PANK4: variants seen among roughly 807,000 people sequenced by gnomAD.
PANK4 encodes the protein 4'-phosphopantetheine phosphatase.
In PANK4, 40 loss-of-function variants were observed where a neutral mutation model predicts 87.9. The ratio of observed to expected loss-of-function variants is 0.46; its 90% CI spans 0.35 to 0.59. The LOEUF (loss-of-function observed/expected upper bound fraction) is 0.59. PANK4 is among the 20% of genes least tolerant of loss of function. The pLI is 0.00. For missense variants in PANK4, 926 were observed against 1,072.3 expected, an observed-to-expected ratio of 0.86 and a Z score of 1.90; for synonymous variants, 524 against 467.4, an observed-to-expected ratio of 1.12 and a Z score of -1.56.
Position 2,518,143 on chromosome 1 carries a change from C to T in PANK4, c.1218+21G>A, listed in dbSNP as rs181481652. ...TAGGCTGCTCCCCTGGGGCCCGGGG[C>T]GGCCAGAGCCCACTACTCACAGTGC... On this transcript the variant is annotated intron_variant, in intron 9 of 18. Coordinates refer to ENST00000378466, the MANE Select transcript of PANK4 (RefSeq NM_018216.4). The T allele has an allele frequency of 3.4e-3, 5,105 of 1,512,868 alleles. 12 individuals carry two copies. The highest frequency in any genetic ancestry group is 4.6e-3 in the Admixed American group (259 of 55,756). The allele number at this position is 1,512,868 out of a possible 1,614,324, so 93.7% of individuals were successfully genotyped here.
chr1:2,520,649 C>A lies in PANK4; in HGVS notation c.606+74G>T. 6.9e-7 allele frequency: 1 copy of A among 1,439,438 alleles called. No homozygotes were observed. Among genetic ancestry groups the A allele is most frequent in the Admixed American group, 1.8e-5 (1 of 55,942 alleles). The allele number at this position is 1,439,438 out of a possible 1,614,324, so 89.2% of individuals were successfully genotyped here. On this transcript the variant is annotated intron_variant, in intron 4 of 18. Transcript: ENST00000378466. This position sits in a 1 kb window ranked among gnomAD's most constrained non-coding sequence, Gnocchi z 6.2. Reference sequence around the variant, plus strand: ...GCCCCATCCATGTGCCCAGCCCTGGCTCCTGCACACAGCGAGGGCTTAACA... The same window carrying A: ...GCCCCATCCATGTGCCCAGCCCTGGATCCTGCACACAGCGAGGGCTTAACA...
At chr1:2,521,033 G>T in intron 3 of PANK4, 68 bp downstream of exon 3, 2 of 1,532,290 alleles carry the variant, frequency 1.3e-6, no homozygotes, top group Non-Finnish European at 1.8e-6. Context: ...CAGGGACGCG[G>T]CTCTGGGACA....
chr1:2,525,230 G>C (rs1643910180), intron 1 of PANK4, among the ~76,000 whole-genome samples: 1 of 152,168 alleles, frequency 6.6e-6, no homozygotes, highest in Admixed American at 6.5e-5. Flanking sequence ...CAGAGGGAAT[G>C]GCCTGGGTCT....
Position 2,520,077 on chromosome 1 carries a change from G to A in PANK4, c.700-123C>T. 1.0e-6 allele frequency: 1 copy of A among 983,406 alleles called. No individual in the cohort carries two copies. The highest frequency in any genetic ancestry group is 1.5e-6 in the Non-Finnish European group (1 of 679,420). 60.9% of individuals were successfully genotyped at this position (983,406 alleles called of 1,614,324 possible). A position where few individuals can be genotyped will look rare whatever the true frequency, so the allele number is the denominator to read the frequency against. Reference sequence around the variant, plus strand: ...GGGGGTAAATGGGCCCTCATCGCGTGGGACCAAAGGCAGGAGGCGGCAAGC... The same window carrying A: ...GGGGGTAAATGGGCCCTCATCGCGTAGGACCAAAGGCAGGAGGCGGCAAGC... On this transcript the variant is annotated intron_variant, in intron 5 of 18. Coordinates refer to ENST00000378466, the MANE Select transcript of PANK4 (RefSeq NM_018216.4). The surrounding 1 kb of genome is among the most constrained non-coding windows in gnomAD (Gnocchi z 6.2).
rs771068785 is a variant in PANK4, at chr1:2,520,810, G to A, written c.519C>T (p.Ser173=). 16 of 1,610,644 alleles carry A rather than the reference G, an allele frequency of 9.9e-6. No homozygotes were observed. Among genetic ancestry groups the A allele is most frequent in the Middle Eastern group, 1.6e-4 (1 of 6,066 alleles). Reference sequence around the variant, plus strand: ...TGGTCTGGAACCGGAACTCAGGGTCGGAATCCTTCTGGTACACGAAGGCCT... The same window carrying A: ...TGGTCTGGAACCGGAACTCAGGGTCAGAATCCTTCTGGTACACGAAGGCCT... ...PHEAFVYQKD[S]DPEFRFQTNH... Residue 173 remains serine (S), a synonymous_variant, in exon 4 of 19, where the codon TCC becomes TCT. Coordinates refer to ENST00000378466, the MANE Select transcript of PANK4 (RefSeq NM_018216.4). This position sits in a 1 kb window ranked among gnomAD's most constrained non-coding sequence, Gnocchi z 6.2.
At chr1:2,514,757 CT>C (rs1643736731) in intron 10 of PANK4, among the ~76,000 whole-genome samples, 6 of 151,930 alleles carry the variant, frequency 3.9e-5, no homozygotes, top group Admixed American at 3.3e-4. Flanking sequence ...GCAGTTTCTA[CT>C]GGAACAGGAA....
Position 2,519,737 on chromosome 1 carries a change from T to C in PANK4, c.853+64A>G, listed in dbSNP as rs1643855079. On this transcript the variant is annotated intron_variant, in intron 6 of 18. Coordinates refer to ENST00000378466, the MANE Select transcript of PANK4 (RefSeq NM_018216.4). This position sits in a 1 kb window ranked among gnomAD's most constrained non-coding sequence, Gnocchi z 8.3. ...GGAAAGCAATGGTGGGGGAAGCTCC[T>C]GTCCGTGAGACCCCAAGTGTCCCCA... The C allele has an allele frequency of 2.1e-6, 3 of 1,453,394 alleles. No homozygotes were observed. The highest frequency in any genetic ancestry group is 2.3e-5 in the Admixed American group (1 of 43,946). 90.0% of individuals were successfully genotyped at this position (1,453,394 alleles called of 1,614,324 possible).
rs1387827517 is a variant in PANK4 at position 2,509,826 on chromosome 1, C to T, written c.2108+36G>A. 1.3e-6 allele frequency: 2 copies of T among 1,588,964 alleles called. No homozygotes were observed. The highest frequency in any genetic ancestry group is 2.2e-5 in the South Asian group (2 of 89,988). ...TGCACGGCACAGAGGGCACAGAGCC[C>T]AGGAGGGAGAGAACAGGTGCAGGGT... On this transcript the variant is annotated intron_variant, in intron 18 of 18. Coordinates refer to ENST00000378466, the MANE Select transcript of PANK4 (RefSeq NM_018216.4). This position sits in a 1 kb window ranked among gnomAD's most constrained non-coding sequence, Gnocchi z 4.9.
In PANK4 at chr1:2,510,942, G is replaced by T. The variant is rs1643649818; in HGVS notation, c.1834-160C>A. ...GGCTGTCCTGCAGGGGCCGAGACCAGGGGCTTCAGGGCCCCAGAGGTGCCG... is the reference window on the plus strand; with the variant it reads ...GGCTGTCCTGCAGGGGCCGAGACCATGGGCTTCAGGGCCCCAGAGGTGCCG... On this transcript the variant is annotated intron_variant, in intron 15 of 18. Transcript: ENST00000378466. The surrounding 1 kb of genome is among the most constrained non-coding windows in gnomAD (Gnocchi z 4.9). 6.6e-6 allele frequency among the ~76,000 whole-genome samples: 1 copy of T among 152,114 alleles called. No homozygotes were observed. The highest frequency in any genetic ancestry group is 2.4e-5 in the African/African-American group (1 of 41,428).
intron 1 of PANK4, chr1:2,525,578 T>C (rs1643914356): frequency 6.6e-6 from 1 of 152,226 alleles, no homozygotes; most frequent in South Asian, 2.1e-4. Flanking sequence ...TCTAGCCCGA[T>C]GACCCTGGGC....
intron 12 of PANK4, 99 bp from the exon 13 acceptor site, chr1:2,513,138 G>T: frequency 7.5e-7 from 1 of 1,340,854 alleles, no homozygotes; most frequent in Non-Finnish European, 1.0e-6. Context: ...CGCCCCTCAG[G>T]ATCGAAGACT....
chr1:2,510,495 G>A lies in PANK4; in HGVS notation c.1938+183C>T, dbSNP rs1157388838. 20 of 614,548 alleles carry A rather than the reference G, an allele frequency of 3.3e-5. No homozygotes were observed. Among genetic ancestry groups the A allele is most frequent in the Non-Finnish European group, 5.8e-6 (2 of 345,966 alleles). 38.1% of individuals were successfully genotyped at this position (614,548 alleles called of 1,614,324 possible). A position where few individuals can be genotyped will look rare whatever the true frequency, so the allele number is the denominator to read the frequency against. On this transcript the variant is annotated intron_variant, in intron 16 of 18. Coordinates refer to ENST00000378466, the MANE Select transcript of PANK4 (RefSeq NM_018216.4). The surrounding 1 kb of genome is among the most constrained non-coding windows in gnomAD (Gnocchi z 4.9). ...CACATGGACCCTCAGCCTGAGCCCA[G>A]GGGGCTCGGAGCCTCCACCCCAGCA...
chr1:2,523,786 C>T (rs1266692084), intron 1 of PANK4, among the ~76,000 whole-genome samples: 1 of 152,228 alleles, frequency 6.6e-6, no homozygotes, highest in African/African-American at 2.4e-5. Context: ...GGGGACCCTT[C>T]CGGGCTGAGC....
At chr1:2,516,335 T>C (rs995648532) in intron 9 of PANK4, among the ~76,000 whole-genome samples, 1 of 152,202 alleles carries the variant, frequency 6.6e-6, no homozygotes, top group Non-Finnish European at 1.5e-5. Context: ...CAGGCCATTA[T>C]GCACCCAGGG....
chr1:2,521,362 C>CGGGCT, intron 2 of PANK4, 47 bp from the exon 3 acceptor site: 1 of 1,461,336 alleles, frequency 6.8e-7, no homozygotes, highest in Non-Finnish European at 9.6e-7. Flanking sequence ...GACACCGCGC[C>CGGGCT]GGGCTGGGCT....
Position 2,514,454 on chromosome 1 carries a change from C to T in PANK4, c.1387G>A (p.Ala463Thr), listed in dbSNP as rs200659895. ...ACAGAGTCTGGCTGGCTCGCCACTGCGCGCTTCACTACCTGCCAGCGACAG... is the reference window on the plus strand; with the variant it reads ...ACAGAGTCTGGCTGGCTCGCCACTGTGCGCTTCACTACCTGCCAGCGACAG... ...EEALDGVVKRAVASQPDSVDA... is the reference protein window; with the variant it reads ...EEALDGVVKRTVASQPDSVDA... The change falls in exon 11 of 19, where the codon GCA becomes ACA. Residue 463 changes from alanine to threonine, a missense_variant. Ala to Thr is a moderately conservative substitution (Grantham distance 58). Transcript: ENST00000378466. 1.5e-5 allele frequency: 24 copies of T among 1,610,130 alleles called. No individual in the cohort carries two copies. The highest frequency in any genetic ancestry group is 9.3e-5 in the African/African-American group (7 of 74,872).
rs1301555146 is a variant in PANK4, at chr1:2,515,712, G to A, written c.1224C>T (p.Asp408=). ...PAQRARSGTF[D]LLEMDRLERP... is the part of the protein sequence containing the mutation. ...TCTCCAGCCGGTCCATTTCCAGCAA[G>A]TCAAACTGGAAGACAGGCAGTGGCA... The change falls in exon 10 of 19, where the codon GAC becomes GAT. Residue 408 remains aspartate, a synonymous_variant. Transcript: ENST00000378466. The surrounding 1 kb of genome is among the most constrained non-coding windows in gnomAD (Gnocchi z 5.0). The A allele has an allele frequency of 1.9e-6, 3 of 1,612,890 alleles. No individual in the cohort carries two copies. The East Asian group carries it at 6.7e-5, about 36-fold the overall frequency.
At chr1:2,524,910 T>C (rs946570698) in intron 1 of PANK4, among the ~76,000 whole-genome samples, 1 of 152,070 alleles carries the variant, frequency 6.6e-6, no homozygotes, top group Non-Finnish European at 1.5e-5. Flanking sequence ...GACAATCCCC[T>C]AGGCTAGGGC....
In PANK4 at chr1:2,519,990, G is replaced by A. The variant is rs766202641; in HGVS notation, c.700-36C>T. ...CGGCGAGGGGGCGGGTGAGGCGCCAGGAGCTGCTGGAATCCCCACGACCCC... is the reference window on the plus strand; with the variant it reads ...CGGCGAGGGGGCGGGTGAGGCGCCAAGAGCTGCTGGAATCCCCACGACCCC... On this transcript the variant is annotated intron_variant, in intron 5 of 18. Coordinates refer to ENST00000378466, the MANE Select transcript of PANK4 (RefSeq NM_018216.4). This position sits in a 1 kb window ranked among gnomAD's most constrained non-coding sequence, Gnocchi z 8.3. 1.1e-5 allele frequency: 17 copies of A among 1,516,062 alleles called. No individual in the cohort carries two copies. The highest frequency in any genetic ancestry group is 1.4e-5 in the African/African-American group (1 of 72,310). The allele number at this position is 1,516,062 out of a possible 1,614,324, so 93.9% of individuals were successfully genotyped here.
Sources: allele counts gnomAD v4.1 joint callset (sites outside exome capture counted in the v4.1 genomes callset), GRCh38; gene constraint gnomAD v4.1.1; non-coding constraint Gnocchi (gnomAD v3.1); transcripts MANE v1.5; gene names NCBI Gene and HGNC (gene_info 2026-07-23, HGNC 2026-07-21).